ERC2: variants seen among roughly 807,000 people sequenced by gnomAD.
ERC2 encodes the protein ERC protein 2.
A neutral mutation model predicts 114.8 loss-of-function variants in ERC2; 42 were observed. The observed-to-expected ratio is 0.37, with a 90% CI of 0.29 to 0.47. The LOEUF (loss-of-function observed/expected upper bound fraction) is 0.47, where lower values mean the gene tolerates loss of function less well. Among genes scored for constraint, ERC2 ranks in the 20% least tolerant of loss-of-function variants. ERC2 has a pLI of 0.99. For synonymous variants in ERC2, 454 were observed against 425.5 expected (o/e 1.07, Z -0.82); for missense variants, 939 against 1,150.7 (o/e 0.82, Z 2.66).
At chr3:56,368,393 C>A (rs191661687) in intron 2 of ERC2, among the ~76,000 whole-genome samples, 2 of 152,076 alleles carry the variant, frequency 1.3e-5, no homozygotes, top group East Asian at 3.9e-4. Context: ...TAAAGCCACC[C>A]CAGATGTTTT....
intron 17 of ERC2, among the ~76,000 whole-genome samples, chr3:55,636,197 T>C (rs1045112727): frequency 6.6e-5 from 10 of 152,210 alleles, no homozygotes; most frequent in African/African-American, 2.2e-4. Context: ...TTTATAAAAA[T>C]GTATTTTCAA....
intron 6 of ERC2, among the ~76,000 whole-genome samples, chr3:56,134,016 C>T (rs1279651292): frequency 6.6e-6 from 1 of 152,190 alleles, no homozygotes; most frequent in Non-Finnish European, 1.5e-5. Context: ...TAAATATCAT[C>T]TCTTTTCTCA....
intron 2 of ERC2, among the ~76,000 whole-genome samples, chr3:56,382,921 G>A (rs1286747762): frequency 6.6e-6 from 1 of 151,840 alleles, no homozygotes; most frequent in Non-Finnish European, 1.5e-5. Context: ...CAAATCCCTG[G>A]GTTTACCCTC....
chr3:56,143,435 G>A (rs2080973989), intron 5 of ERC2, among the ~76,000 whole-genome samples: 1 of 152,172 alleles, frequency 6.6e-6, no homozygotes, highest in Admixed American at 6.5e-5. Context: ...TGAATCATGG[G>A]GGAGGGGCCA....
chr3:56,144,261 TTCTC>T (rs1163020508), intron 5 of ERC2, among the ~76,000 whole-genome samples: 1 of 152,078 alleles, frequency 6.6e-6, no homozygotes, highest in Non-Finnish European at 1.5e-5. Context: ...AAGTAAGAAG[TTCTC>T]TCTCTCTCAT....
At chr3:55,637,070 G>A (rs1360935836) in intron 17 of ERC2, among the ~76,000 whole-genome samples, 1 of 152,166 alleles carries the variant, frequency 6.6e-6, no homozygotes, top group African/African-American at 2.4e-5. Context: ...CCTGGGGACT[G>A]GCCCATCCAG....
chr3:55,835,549 A>G (rs921029740), intron 14 of ERC2, among the ~76,000 whole-genome samples: 47 of 152,376 alleles, frequency 3.1e-4, no homozygotes, highest in African/African-American at 1.0e-3. Context: ...ACAAAATTCA[A>G]CAATGCTTCA....
chr3:56,257,162 T>G (rs1396859276), intron 3 of ERC2, among the ~76,000 whole-genome samples: 1 of 152,148 alleles, frequency 6.6e-6, no homozygotes, highest in East Asian at 1.9e-4. Context: ...CTTCTAGGTT[T>G]TCGATTCCAG....
In ERC2 at chr3:55,605,363, TGG is replaced by T; in HGVS notation, c.*39+78429_*39+78430del. 2.0e-5 allele frequency among the ~76,000 whole-genome samples: 3 copies of T among 152,346 alleles called. No homozygotes were observed. The South Asian group carries it at 6.2e-4, about 32-fold the overall frequency. ...CTCCCACCTCAGCCTCCCCAGTCACTGGGATTACAGACATCAGCCACCATGAC... is the reference window on the plus strand; with the variant it reads ...CTCCCACCTCAGCCTCCCCAGTCACTGATTACAGACATCAGCCACCATGAC... On this transcript the variant is annotated intron_variant, in intron 17 of 17. Transcript: ENST00000288221.
At chr3:55,746,771 C>G (rs1208372954) in intron 14 of ERC2, among the ~76,000 whole-genome samples, 2 of 152,208 alleles carry the variant, frequency 1.3e-5, no homozygotes, top group African/African-American at 2.4e-5. Flanking sequence ...AGGGGCTAAA[C>G]AGATTCCCAT....
intron 10 of ERC2, among the ~76,000 whole-genome samples, chr3:55,996,927 G>A (rs1406244634): frequency 6.6e-6 from 1 of 152,200 alleles, no homozygotes; most frequent in Non-Finnish European, 1.5e-5. Context: ...AAACTATGGG[G>A]TTGTCAAGTA....
At chr3:56,331,896 A>G (rs2057635096) in intron 2 of ERC2, among the ~76,000 whole-genome samples, 1 of 152,154 alleles carries the variant, frequency 6.6e-6, no homozygotes, top group Non-Finnish European at 1.5e-5. Context: ...AAAAAGCCTC[A>G]CTTCTAAATT....
intron 14 of ERC2, among the ~76,000 whole-genome samples, chr3:55,756,290 C>T (rs761217076): frequency 4.6e-5 from 7 of 152,186 alleles, no homozygotes; most frequent in Non-Finnish European, 1.0e-4. Context: ...TAATAGAAGG[C>T]GCTGATAATT....
intron 5 of ERC2, among the ~76,000 whole-genome samples, chr3:56,145,219 A>G (rs1021264223): frequency 6.6e-6 from 1 of 152,204 alleles, no homozygotes; most frequent in Admixed American, 6.5e-5. Context: ...TTTGTAATCT[A>G]TCAGAGGTTT....
Position 55,673,215 on chromosome 3 carries a change from G to A in ERC2, c.*39+10579C>T, listed in dbSNP as rs574115292. On this transcript the variant is annotated intron_variant, in intron 17 of 17. Coordinates refer to ENST00000288221, the MANE Select transcript of ERC2 (RefSeq NM_015576.3). ...GGATCAGCTGGGGGAAACACTGTTA[G>A]CCCTGCAAGCCCTTCCTCTCTGAGA... Among the ~76,000 whole-genome samples the A allele has an allele frequency of 1.1e-4, 17 of 152,300 alleles. No homozygotes were observed. In the South Asian group the frequency reaches 2.3e-3, roughly 20 times the overall value.
intron 2 of ERC2, among the ~76,000 whole-genome samples, chr3:56,329,249 T>C (rs376022693): frequency 2.0e-5 from 3 of 152,348 alleles, no homozygotes; most frequent in East Asian, 3.9e-4. Flanking sequence ...AATGCCTTTA[T>C]TGTTAACTCC....
intron 14 of ERC2, among the ~76,000 whole-genome samples, chr3:55,806,274 G>T (rs1389194227): frequency 6.6e-6 from 1 of 151,200 alleles, no homozygotes; most frequent in East Asian, 2.0e-4. Flanking sequence ...GGCAGAGGTT[G>T]CAGTGAGCTG....
intron 17 of ERC2, among the ~76,000 whole-genome samples, chr3:55,540,685 G>A (rs1457680142): frequency 2.0e-5 from 3 of 152,176 alleles, no homozygotes; most frequent in Non-Finnish European, 4.4e-5. Flanking sequence ...TCTCCTGGGA[G>A]TGACACTCAA....
intron 7 of ERC2, among the ~76,000 whole-genome samples, chr3:56,062,424 G>A (rs1260869160): frequency 6.6e-6 from 1 of 151,926 alleles, no homozygotes; most frequent in Non-Finnish European, 1.5e-5. Flanking sequence ...CTGCTCTAGG[G>A]GTGAAAGCAG....
Sources: gnomAD v4.1 joint callset for allele counts (sites outside exome capture counted in the v4.1 genomes callset) on GRCh38, gnomAD v4.1.1 for gene constraint, MANE v1.5 for transcripts, NCBI Gene and HGNC (gene_info 2026-07-23, HGNC 2026-07-21) for gene names.